The following PRPF3 variants were observed in gnomAD, a reference collection of about 807,000 sequenced individuals.
PRPF3 encodes the protein pre-mRNA processing factor 3, also known as U4/U6 small nuclear ribonucleoprotein Prp3.
A neutral mutation model predicts 89.2 loss-of-function variants in PRPF3; 3 were observed. The observed-to-expected ratio is 0.03, with a 90% confidence interval of 0.02 to 0.09. The LOEUF is 0.09. Ranked by LOEUF, PRPF3 falls within the 10% of genes least tolerant of loss-of-function variation. The probability of loss-of-function intolerance (pLI) is 1.00; values close to 1 mark genes in which losing one functional copy is unlikely to be tolerated. For synonymous variants in PRPF3, 270 were observed against 289.1 expected (o/e 0.93, Z 0.67); for missense variants, 463 against 828.8 (o/e 0.56, Z 5.42).
At position 150,343,237 on chromosome 1, in the gene PRPF3, GAAAAAAA is replaced by G. The variant is rs201623637; in HGVS notation, c.1283-66_1283-60del. ...AACCTGGGTGACAGAGTGAGAGAGA[GAAAAAAA>G]AAAAATATATATATATATATATGTA... On this transcript the variant is annotated intron_variant, in intron 9 of 15. Coordinates refer to ENST00000324862, the MANE Select transcript of PRPF3 (RefSeq NM_004698.4). 1.6e-4 allele frequency: 133 copies of G among 831,240 alleles called. 1 individual carries two copies. The South Asian group carries it at 2.0e-3, about 12-fold the overall frequency. The allele number at this position is 831,240 out of a possible 1,614,324, so 51.5% of individuals were successfully genotyped here. A position where few individuals can be genotyped will look rare whatever the true frequency, so the allele number is the denominator to read the frequency against.
intron 4 of PRPF3, chr1:150,329,786 T>G (rs1165670849): frequency 1.3e-5 from 2 of 152,138 alleles, no homozygotes; most frequent in African/African-American, 4.8e-5. Flanking sequence ...GTGTGTGAGA[T>G]GTTCTCTCTG....
At chr1:150,328,040 G>A in intron 3 of PRPF3, 1 of 417,842 alleles carries the variant, frequency 2.4e-6, no homozygotes, top group Non-Finnish European at 4.4e-6. Flanking sequence ...GAAAAGTTGA[G>A]AGAAATCATT....
intron 7 of PRPF3, among the ~76,000 whole-genome samples, chr1:150,337,040 CTT>C (rs35026026): frequency 8.2e-6 from 1 of 121,268 alleles, no homozygotes; most frequent in Non-Finnish European, 1.6e-5. Context: ...CATAAAATTC[CTT>C]TTTTTTTTTT....
intron 15 of PRPF3, among the ~76,000 whole-genome samples, chr1:150,349,509 T>TAA (rs1553873842): frequency 6.6e-6 from 1 of 152,188 alleles, no homozygotes; most frequent in East Asian, 1.9e-4. Flanking sequence ...CAGTCATGAA[T>TAA]ATGAGACTTG....
intron 4 of PRPF3, among the ~76,000 whole-genome samples, chr1:150,329,452 T>C (rs587709786): frequency 1.2e-4 from 19 of 152,336 alleles, no homozygotes; most frequent in Admixed American, 1.0e-3. Flanking sequence ...TTATGTACAT[T>C]ATTTGCCTAA....
chr1:150,348,095 C>T (rs2794684), intron 14 of PRPF3, among the ~76,000 whole-genome samples: 45,041 of 151,794 alleles, frequency 0.3, 8,094 homozygotes, highest in Non-Finnish European at 0.4. Context: ...TTAAAATCTG[C>T]AGAGAGGCCT....
chr1:150,349,693 T>G (rs1658693112), intron 15 of PRPF3, among the ~76,000 whole-genome samples: 1 of 152,162 alleles, frequency 6.6e-6, no homozygotes, highest in Non-Finnish European at 1.5e-5. Flanking sequence ...ATTGTCAAGT[T>G]TTTGAGAATG....
At chr1:150,344,854 C>CTA (rs1553872494) in intron 12 of PRPF3, among the ~76,000 whole-genome samples, 1 of 151,088 alleles carries the variant, frequency 6.6e-6, no homozygotes, top group Non-Finnish European at 1.5e-5. Context: ...CCTTTGAGAA[C>CTA]TATAAAATAT....
Position 150,338,495 on chromosome 1 carries a change from G to GTATTTTTTTTTTTTTTTTTTT in PRPF3, c.1202+170_1202+171insATTTTTTTTTTTTTTTTTTTT, listed in dbSNP as rs1467846345. Among the ~76,000 whole-genome samples the GTATTTTTTTTTTTTTTTTTTT allele has an allele frequency of 1.1e-4, 4 of 35,760 alleles. 2 individuals carry two copies. The highest frequency in any genetic ancestry group is 1.2e-4 in the Non-Finnish European group (2 of 17,264). 23.5% of individuals were successfully genotyped at this position (35,760 alleles called of 152,430 possible). On this transcript the variant is annotated intron_variant, in intron 8 of 15. Coordinates refer to ENST00000324862, the MANE Select transcript of PRPF3 (RefSeq NM_004698.4). Reference sequence around the variant, plus strand: ...GATAAGTAACTGTACACAAGGTCCTGTTATTTTTTTTTTTTTTTTTTTTGA... The same window carrying GTATTTTTTTTTTTTTTTTTTT: ...GATAAGTAACTGTACACAAGGTCCTGTATTTTTTTTTTTTTTTTTTTTTATTTTTTTTTTTTTTTTTTTTGA...
chr1:150,349,288 G>A lies in PRPF3; in HGVS notation c.1905+70G>A, dbSNP rs587651483. Reference sequence around the variant, plus strand: ...TGAATATTTATACTATTTGAGTGGAGCAATGGAATGTAAGATGTAATCAGT... The same window carrying A: ...TGAATATTTATACTATTTGAGTGGAACAATGGAATGTAAGATGTAATCAGT... On this transcript the variant is annotated intron_variant, in intron 15 of 15. Transcript: ENST00000324862. 101 of 1,095,904 alleles carry A rather than the reference G, an allele frequency of 9.2e-5. No individual in the cohort carries two copies. The South Asian group carries it at 1.1e-3, about 12-fold the overall frequency. 67.9% of individuals were successfully genotyped at this position (1,095,904 alleles called of 1,614,324 possible). A position where few individuals can be genotyped will look rare whatever the true frequency, so the allele number is the denominator to read the frequency against.
At chr1:150,342,375 G>A (rs587641284) in intron 9 of PRPF3, among the ~76,000 whole-genome samples, 25 of 152,124 alleles carry the variant, frequency 1.6e-4, no homozygotes, top group East Asian at 7.8e-4. Flanking sequence ...GCGAGACTCC[G>A]TCTCAACAAA....
chr1:150,332,672 C>A lies in PRPF3; in HGVS notation c.424-12C>A, dbSNP rs988662643. On this transcript the variant is annotated splice_polypyrimidine_tract_variant and intron_variant, in intron 4 of 15. Coordinates refer to ENST00000324862, the MANE Select transcript of PRPF3 (RefSeq NM_004698.4). The stretch of plus-strand genomic sequence containing the variant: ...AAATTAACAGTTTTTCAATTTTTTT[C>A]CTGGAGAGCAGATCAAACAGATGAT... The A allele has an allele frequency of 6.2e-7, 1 of 1,613,724 alleles. No individual in the cohort carries two copies. The highest frequency in any genetic ancestry group is 8.5e-7 in the Non-Finnish European group (1 of 1,179,750).
rs1656589082 is a variant in PRPF3, at chr1:150,333,013, T to C, written c.542T>C (p.Leu181Pro). The C allele has an allele frequency of 5.0e-6, 8 of 1,613,864 alleles. No individual in the cohort carries two copies. The highest frequency in any genetic ancestry group is 6.8e-6 in the Non-Finnish European group (8 of 1,180,020). The stretch of plus-strand genomic sequence containing the variant: ...CCTTCTTCCTCCCAACCAGAACGAC[T>C]TCCTATTGGCAACACTATTCAGCCC... ...KTPSSSQPER[L>P]PIGNTIQPSQ... The change falls in exon 6 of 16, where the codon CTT becomes CCT. Residue 181 changes from leucine to proline, a missense_variant. Coordinates refer to ENST00000324862, the MANE Select transcript of PRPF3 (RefSeq NM_004698.4).
intron 12 of PRPF3, among the ~76,000 whole-genome samples, chr1:150,344,973 C>A (rs1658134490): frequency 2.0e-5 from 3 of 151,476 alleles, no homozygotes; most frequent in Admixed American, 2.0e-4. Context: ...CATATCCTTA[C>A]CCTGATGTAT....
At position 150,335,148 on chromosome 1, in the gene PRPF3, A is replaced by C. The variant is rs782261192; in HGVS notation, c.942A>C (p.Arg314=). ...DMESNTFFDP[R]VSIAPSQRQR... ...AATCCAATACCTTTTTTGACCCCCG[A>C]GTCTCCATTGCCCCTTCCCAGCGCC... Residue 314 remains arginine, a synonymous_variant, in exon 7 of 16, where the codon CGA becomes CGC. Coordinates refer to ENST00000324862, the MANE Select transcript of PRPF3 (RefSeq NM_004698.4). 13 of 1,613,926 alleles carry C rather than the reference A, an allele frequency of 8.1e-6. No homozygotes were observed. The highest frequency in any genetic ancestry group is 6.7e-5 in the Admixed American group (4 of 59,962).
intron 8 of PRPF3, among the ~76,000 whole-genome samples, chr1:150,339,737 G>GTTTTT (rs71578484): frequency 5.4e-5 from 6 of 110,286 alleles, no homozygotes; most frequent in Admixed American, 9.6e-5. Context: ...CACGCCTGGC[G>GTTTTT]TTTTTTTTTT....
intron 1 of PRPF3, among the ~76,000 whole-genome samples, chr1:150,323,117 C>T (rs1553862604): frequency 1.3e-5 from 2 of 150,520 alleles, no homozygotes; most frequent in Admixed American, 6.6e-5. Flanking sequence ...TCAGATAATC[C>T]ACCCGCCTTG....
At position 150,343,569 on chromosome 1, in the gene PRPF3, G is replaced by C. The variant is rs1553872055; in HGVS notation, c.1426+117G>C. ...TTTCTGTTTCTAAGAATTATTCTTG[G>C]GGTCCTTTTTCTCCAAGTTTTCTAC... On this transcript the variant is annotated intron_variant, in intron 10 of 15. Transcript: ENST00000324862. 1.4e-5 allele frequency: 19 copies of C among 1,392,812 alleles called. No individual in the cohort carries two copies. The South Asian group carries it at 2.0e-4, about 15-fold the overall frequency. The allele number at this position is 1,392,812 out of a possible 1,614,324, so 86.3% of individuals were successfully genotyped here. A position where few individuals can be genotyped will look rare whatever the true frequency, so the allele number is the denominator to read the frequency against.
At chr1:150,346,625 C>T (rs1553873031) in intron 14 of PRPF3, 134 bp downstream of exon 14, 11 of 893,382 alleles carry the variant, frequency 1.2e-5, no homozygotes, top group East Asian at 2.5e-5. Context: ...TAGAAAGACC[C>T]GTTTAGACTT....
Sources: gnomAD v4.1 joint callset for allele counts (sites outside exome capture counted in the v4.1 genomes callset) on GRCh38, gnomAD v4.1.1 for gene constraint, MANE v1.5 for transcripts, NCBI Gene and HGNC (gene_info 2026-07-23, HGNC 2026-07-21) for gene names.